The following GALNT5 variants were observed in gnomAD, a reference collection of about 807,000 sequenced individuals.
The protein encoded by GALNT5 is polypeptide N-acetylgalactosaminyltransferase 5, also known as UDP-GalNAc:polypeptide N-acetylgalactosaminyltransferase 5.
In GALNT5, 72 loss-of-function variants were observed where a neutral mutation model predicts 85.4. The observed-to-expected ratio is 0.84, with a 90% CI of 0.70 to 1.03. GALNT5 has a LOEUF of 1.03. Among genes scored for constraint, GALNT5 ranks in the 50% least tolerant of loss-of-function variants. GALNT5 has a pLI of 0.00. For missense variants in GALNT5, 1,137 were observed against 1,135.5 expected, an observed-to-expected ratio of 1.00 and a Z score of -0.02; for synonymous variants, 404 against 397.0, an observed-to-expected ratio of 1.02 and a Z score of -0.21.
chr2:157,306,986 TGAAAG>T (rs1332582253), intron 8 of GALNT5, among the ~76,000 whole-genome samples: 1 of 146,238 alleles, frequency 6.8e-6, no homozygotes, highest in African/African-American at 2.5e-5. Context: ...TCACATTATA[TGAAAG>T]GAAAGTATTA....
rs1408918714 is a variant in GALNT5, at chr2:157,316,030, A to C, written c.*4682A>C. 6.6e-6 allele frequency among the ~76,000 whole-genome samples: 1 copy of C among 152,060 alleles called. No individual in the cohort carries two copies. The highest frequency in any genetic ancestry group is 1.5e-5 in the Non-Finnish European group (1 of 68,000). ...ATTGGTTTAACCAGGTATACTACTT[A>C]CATAGCCGGTGAAAAGACTGGCCCT... On this transcript the variant is annotated 3_prime_UTR_variant, in exon 10 of 10. Transcript: ENST00000259056.
intron 1 of GALNT5, among the ~76,000 whole-genome samples, chr2:157,265,863 C>T (rs1682448212): frequency 6.6e-6 from 1 of 152,222 alleles, no homozygotes; most frequent in Non-Finnish European, 1.5e-5. Flanking sequence ...ATACCAAACT[C>T]AAGTACCTCC....
chr2:157,274,001 T>C (rs1328585619), intron 1 of GALNT5, among the ~76,000 whole-genome samples: 3 of 151,698 alleles, frequency 2.0e-5, no homozygotes, highest in Admixed American at 2.0e-4. Context: ...AAGGCCCCAG[T>C]GTGTGATGTT....
At position 157,299,554 on chromosome 2, in the gene GALNT5, T is replaced by G. The variant is rs539878793; in HGVS notation, c.2004T>G (p.Pro668=). 11 of 1,597,346 alleles carry G rather than the reference T, an allele frequency of 6.9e-6. No homozygotes were observed. In the South Asian group the frequency reaches 1.2e-4, roughly 18 times the overall value. The change falls in exon 6 of 10, where the codon CCT becomes CCG. Residue 668 remains proline, a synonymous_variant. Transcript: ENST00000259056. ...RIKETDTIRC[P]VMAGGLFSID... is the part of the protein sequence containing the mutation. ...CAAACTTTTCTTTTTGTAGGTGCCC[T>G]GTCATGGCTGGTGGATTGTTTTCTA...
At chr2:157,285,838 C>T (rs1682958374) in intron 2 of GALNT5, among the ~76,000 whole-genome samples, 177 bp from the exon 3 acceptor site, 1 of 152,100 alleles carries the variant, frequency 6.6e-6, no homozygotes, top group Admixed American at 6.5e-5. Flanking sequence ...AATACTGAAA[C>T]CAGATAGAAT....
Position 157,308,706 on chromosome 2 carries a change from C to T in GALNT5, c.2660C>T (p.Thr887Ile). Residue 887 changes from threonine to isoleucine, a missense_variant, in exon 9 of 10, where the codon ACA becomes ATA. By Grantham distance (89) the Thr-to-Ile change is moderately conservative. Coordinates refer to ENST00000259056, the MANE Select transcript of GALNT5 (RefSeq NM_014568.3). ...NKGLKWLHKS[T>I]SVFHPELVNH... is the part of the protein sequence containing the mutation. ...GGGCTAAAATGGCTGCATAAATCAA[C>T]ATCAGTCTTTCATCCAGAACTGGTA... The T allele has an allele frequency of 1.9e-6, 3 of 1,612,596 alleles. No individual in the cohort carries two copies. The highest frequency in any genetic ancestry group is 2.5e-6 in the Non-Finnish European group (3 of 1,179,496).
Position 157,258,471 on chromosome 2 carries a change from C to A in GALNT5, c.389C>A (p.Ala130Glu), listed in dbSNP as rs1468400119. ...RGKVVPLWHP[A>E]HLQTLPVTPN... is the part of the protein sequence containing the mutation. The stretch of plus-strand genomic sequence containing the variant: ...AAGGTTGTGCCGTTGTGGCATCCTG[C>A]ACATCTGCAGACCCTCCCTGTGACT... The change falls in exon 1 of 10, where the codon GCA becomes GAA. Residue 130 changes from alanine (A) to glutamate (E), a missense_variant. Transcript: ENST00000259056. 5 of 1,605,590 alleles carry A rather than the reference C, an allele frequency of 3.1e-6. No homozygotes were observed. In the South Asian group the frequency reaches 4.4e-5, roughly 14 times the overall value.
At position 157,311,335 on chromosome 2, in the gene GALNT5, A is replaced by G; in HGVS notation, c.2810A>G (p.Tyr937Cys). 6.2e-7 allele frequency: 1 copy of G among 1,605,780 alleles called. No homozygotes were observed. The highest frequency in any genetic ancestry group is 8.5e-7 in the Non-Finnish European group (1 of 1,174,868). The change falls in exon 10 of 10, where the codon TAT becomes TGT. Residue 937 changes from tyrosine (Y) to cysteine (C), a missense_variant. Transcript: ENST00000259056. ...TATCAAAAGTGGAAATTTGAAAAAT[A>G]TTATGAAGCCTGAAGTGTAACTGAT... Reference protein sequence around the residue: ...KPYQKWKFEKYYEA With the variant: ...KPYQKWKFEKCYEA
chr2:157,284,191 T>C, intron 1 of GALNT5, 91 bp from the exon 2 acceptor site: 2 of 911,768 alleles, frequency 2.2e-6, no homozygotes, highest in African/African-American at 1.6e-5. Context: ...AGTGTGTGTG[T>C]ATATGCACAC....
intron 1 of GALNT5, among the ~76,000 whole-genome samples, chr2:157,262,207 TAAAAAA>T (rs535714685): frequency 0.02 from 1,921 of 97,846 alleles, 40 homozygotes; most frequent in African/African-American, 0.063. Flanking sequence ...CCAAAAAATG[TAAAAAA>T]AAAAAAAAAA....
intron 7 of GALNT5, 106 bp from the exon 8 acceptor site, chr2:157,305,642 CT>C (rs997189338): frequency 4.4e-6 from 3 of 675,222 alleles, no homozygotes; most frequent in Admixed American, 4.6e-5. Flanking sequence ...AAGCTATTAA[CT>C]TTTAACCTTA....
At chr2:157,292,709 ATTATTT>A (rs1435988976) in intron 3 of GALNT5, among the ~76,000 whole-genome samples, 1 of 151,032 alleles carries the variant, frequency 6.6e-6, no homozygotes, top group African/African-American at 2.4e-5. Flanking sequence ...AAATCGTATT[ATTATTT>A]TTTTTTTTTG....
intron 1 of GALNT5, among the ~76,000 whole-genome samples, chr2:157,273,342 T>C (rs935075615): frequency 3.3e-5 from 5 of 152,162 alleles, no homozygotes; most frequent in Non-Finnish European, 5.9e-5. Context: ...ATAGACCAAT[T>C]TTTTAGTACT....
Position 157,315,951 on chromosome 2 carries a change from T to C in GALNT5, c.*4603T>C, listed in dbSNP as rs1316523579. Among the ~76,000 whole-genome samples, 1 of 152,164 alleles carries C rather than the reference T, an allele frequency of 6.6e-6. No homozygotes were observed. The highest frequency in any genetic ancestry group is 1.5e-5 in the Non-Finnish European group (1 of 68,018). ...TTCTGGGTTTGGGGCAAGATTTGAT[T>C]GATTTCATACAGAGGCTTGAGGAGG... is the stretch of plus-strand genomic sequence containing the variant. On this transcript the variant is annotated 3_prime_UTR_variant, in exon 10 of 10. Transcript: ENST00000259056.
chr2:157,308,760 A>G, intron 9 of GALNT5, 32 bp downstream of exon 9: 1 of 1,559,074 alleles, frequency 6.4e-7, no homozygotes, highest in South Asian at 1.2e-5. Flanking sequence ...CTTCTTTACC[A>G]CAAATTTGAC....
intron 1 of GALNT5, among the ~76,000 whole-genome samples, chr2:157,279,047 G>A (rs1167386231): frequency 6.6e-6 from 1 of 152,202 alleles, no homozygotes; most frequent in African/African-American, 2.4e-5. Context: ...CTTTCTGTTT[G>A]TTAGTTTTCC....
chr2:157,259,248 T>C lies in GALNT5; in HGVS notation c.1166T>C (p.Leu389Pro), dbSNP rs1208668715. The change falls in exon 1 of 10, where the codon CTA (leucine) becomes CCA (proline). Residue 389 changes from leucine to proline, a missense_variant. Leu to Pro is a moderately conservative substitution (Grantham distance 98). Coordinates refer to ENST00000259056, the MANE Select transcript of GALNT5 (RefSeq NM_014568.3). ...ACTAACCATGCTTTAACTGGAGGGC[T>C]AGAGCCAGCAAAAATCAACATAACT... is the stretch of plus-strand genomic sequence containing the variant. ...SQTNHALTGG[L>P]EPAKINITAK... 3.1e-6 allele frequency: 5 copies of C among 1,610,544 alleles called. No homozygotes were observed. Among genetic ancestry groups the C allele is most frequent in the East Asian group, 2.2e-5 (1 of 44,856 alleles).
At chr2:157,268,959 A>G (rs555831814) in intron 1 of GALNT5, among the ~76,000 whole-genome samples, 1 of 152,364 alleles carries the variant, frequency 6.6e-6, no homozygotes, top group East Asian at 1.9e-4. Flanking sequence ...CTTTAGCAGC[A>G]ATTTCTCCTC....
intron 1 of GALNT5, among the ~76,000 whole-genome samples, chr2:157,275,240 T>C (rs1478918994): frequency 1.3e-5 from 2 of 152,178 alleles, no homozygotes; most frequent in South Asian, 2.1e-4. Flanking sequence ...GGCCTTGTAG[T>C]ATAGTTTGAA....
Sources: allele counts gnomAD v4.1 joint callset (sites outside exome capture counted in the v4.1 genomes callset), GRCh38; gene constraint gnomAD v4.1.1; transcripts MANE v1.5; gene names NCBI Gene and HGNC (gene_info 2026-07-23, HGNC 2026-07-21).